SP4: variants seen among roughly 807,000 people sequenced by gnomAD.
SP4 encodes the protein Sp4 transcription factor.
Under a neutral mutation model 72.8 loss-of-function variants are expected in SP4, and 19 were observed. The observed-to-expected ratio is 0.26, with a 90% confidence interval of 0.18 to 0.38. SP4 has a LOEUF of 0.38. SP4 is among the 10% of genes least tolerant of loss of function. The pLI is 1.00. For missense variants in SP4, 1,008 were observed against 926.3 expected (o/e 1.09, Z -1.14); for synonymous variants, 395 against 333.1 (o/e 1.19, Z -2.02).
intron 3 of SP4, among the ~76,000 whole-genome samples, chr7:21,433,138 T>C (rs189260791): frequency 1.4e-4 from 22 of 152,322 alleles, no homozygotes; most frequent in South Asian, 1.0e-3. Context: ...TACAACTTTT[T>C]AGTTTTTATT....
chr7:21,508,081 C>T (rs181774164), intron 5 of SP4, among the ~76,000 whole-genome samples: 2 of 152,242 alleles, frequency 1.3e-5, no homozygotes, highest in African/African-American at 2.4e-5. Flanking sequence ...CCTCTGCTGC[C>T]TCCTGAATAA....
At chr7:21,466,812 T>G (rs140286030) in intron 3 of SP4, among the ~76,000 whole-genome samples, 30 of 152,036 alleles carry the variant, frequency 2.0e-4, no homozygotes, top group African/African-American at 6.3e-4. Context: ...TTACCACCAG[T>G]GTACCATGGA....
chr7:21,465,965 C>T, intron 3 of SP4, among the ~76,000 whole-genome samples: 1 of 152,142 alleles, frequency 6.6e-6, no homozygotes, highest in African/African-American at 2.4e-5. Context: ...GGTATGCTGT[C>T]TCAGGGTTAT....
At chr7:21,445,982 ATGTGTATGTGTGTGTGTGTG>A (rs1163031130) in intron 3 of SP4, among the ~76,000 whole-genome samples, 22 of 100,928 alleles carry the variant, frequency 2.2e-4, no homozygotes, top group Admixed American at 7.9e-4. Flanking sequence ...TGTGTATCTT[ATGTGTATGTGTGTGTGTGTG>A]TGTGTGTGTG....
Position 21,430,486 on chromosome 7 carries a change from T to G in SP4, c.1321T>G (p.Leu441Val). The G allele has an allele frequency of 6.2e-7, 1 of 1,614,196 alleles. No homozygotes were observed. Among genetic ancestry groups the G allele is most frequent in the Non-Finnish European group, 8.5e-7 (1 of 1,180,034 alleles). ...QTIQTIQQQP[L>V]QNVQLQAVNP... ...GATTCAGACCATCCAGCAGCAGCCT[T>G]TACAGAATGTTCAACTTCAAGCAGT... Residue 441 changes from leucine to valine, a missense_variant, in exon 3 of 6, where the codon TTA becomes GTA. Leu to Val is a conservative substitution (Grantham distance 32). Coordinates refer to ENST00000222584, the MANE Select transcript of SP4 (RefSeq NM_003112.5).
intron 3 of SP4, among the ~76,000 whole-genome samples, chr7:21,441,074 G>A (rs1783231126): frequency 6.6e-6 from 1 of 152,236 alleles, no homozygotes. Context: ...TTATACGTAA[G>A]TACTGGGTTT....
chr7:21,428,991 AT>A (rs1358124850), intron 2 of SP4, 199 bp downstream of exon 2: 6 of 593,656 alleles, frequency 1.0e-5, no homozygotes, highest in Non-Finnish European at 1.2e-5. Flanking sequence ...TACATCAGGA[AT>A]TCAGACTATA....
chr7:21,482,166 G>A (rs1784706351), intron 5 of SP4, 43 bp downstream of exon 5: 1 of 1,480,906 alleles, frequency 6.8e-7, no homozygotes, highest in South Asian at 1.2e-5. Context: ...TATTTCTTCA[G>A]TTTTTACATG....
At chr7:21,475,069 T>C (rs1209582869) in intron 3 of SP4, among the ~76,000 whole-genome samples, 2 of 152,096 alleles carry the variant, frequency 1.3e-5, no homozygotes, top group Non-Finnish European at 2.9e-5. Context: ...AGGTACTACA[T>C]GTGCAGCTTT....
chr7:21,477,939 G>T (rs544631971), intron 4 of SP4, among the ~76,000 whole-genome samples: 1 of 152,260 alleles, frequency 6.6e-6, no homozygotes, highest in African/African-American at 2.4e-5. Flanking sequence ...CAATTCAGTG[G>T]TTTTTAATAT....
At position 21,437,168 on chromosome 7, in the gene SP4, G is replaced by A. The variant is rs768409561; in HGVS notation, c.1678+6325G>A. On this transcript the variant is annotated intron_variant, in intron 3 of 5. Transcript: ENST00000222584. ...ATTTTTTAAAACATTCTTAACTTCA[G>A]ACAAATGAGCTTGATAACCGTCCTT... Among the ~76,000 whole-genome samples, 26 of 152,180 alleles carry A rather than the reference G, an allele frequency of 1.7e-4. 1 individual carries two copies. Among genetic ancestry groups the A allele is most frequent in the Admixed American group, 5.9e-4 (9 of 15,282 alleles).
chr7:21,494,526 T>C (rs1785059059), intron 5 of SP4, among the ~76,000 whole-genome samples: 1 of 152,188 alleles, frequency 6.6e-6, no homozygotes, highest in African/African-American at 2.4e-5. Context: ...AGAGTGCCAT[T>C]TGTAATATGA....
chr7:21,428,534 C>A lies in SP4; in HGVS notation c.8-143C>A, dbSNP rs1034729230. The A allele has an allele frequency of 8.4e-6, 8 of 952,042 alleles. No individual in the cohort carries two copies. The Admixed American group carries it at 1.9e-4, about 23-fold the overall frequency. The allele number at this position is 952,042 out of a possible 1,614,324, so 59.0% of individuals were successfully genotyped here. A position where few individuals can be genotyped will look rare whatever the true frequency, so the allele number is the denominator to read the frequency against. On this transcript the variant is annotated intron_variant, in intron 1 of 5. Transcript: ENST00000222584. ...CCTCCTCCCTTCCCTCCTTCTCCCCCACCCCCTGCCGGTGTGCGTGGATCG... is the reference window on the plus strand; with the variant it reads ...CCTCCTCCCTTCCCTCCTTCTCCCCAACCCCCTGCCGGTGTGCGTGGATCG...
intron 5 of SP4, among the ~76,000 whole-genome samples, chr7:21,503,704 A>G (rs1445741681): frequency 6.6e-6 from 1 of 152,296 alleles, no homozygotes; most frequent in Non-Finnish European, 1.5e-5. Flanking sequence ...TCACCAGTAA[A>G]TACTTTAGTC....
intron 5 of SP4, among the ~76,000 whole-genome samples, chr7:21,498,595 G>A (rs541069487): frequency 2.6e-5 from 4 of 152,126 alleles, no homozygotes; most frequent in African/African-American, 9.7e-5. Context: ...AATGATTACA[G>A]TTAACCCTTG....
At chr7:21,466,278 A>T (rs1035204874) in intron 3 of SP4, among the ~76,000 whole-genome samples, 1 of 152,182 alleles carries the variant, frequency 6.6e-6, no homozygotes, top group East Asian at 1.9e-4. Flanking sequence ...TCACTTCTAT[A>T]CTAAGTCCAC....
intron 3 of SP4, among the ~76,000 whole-genome samples, chr7:21,474,755 A>C (rs1343865328): frequency 1.3e-5 from 2 of 152,190 alleles, no homozygotes; most frequent in Admixed American, 1.3e-4. Context: ...CACAGTCATA[A>C]ATTTACAACT....
chr7:21,468,008 T>A (rs954804441), intron 3 of SP4, among the ~76,000 whole-genome samples: 38 of 152,162 alleles, frequency 2.5e-4, no homozygotes, highest in Non-Finnish European at 3.4e-4. Flanking sequence ...AATAGTTTTG[T>A]TTTTCAAATT....
At chr7:21,465,634 C>T (rs1784143512) in intron 3 of SP4, among the ~76,000 whole-genome samples, 1 of 152,144 alleles carries the variant, frequency 6.6e-6, no homozygotes, top group African/African-American at 2.4e-5. Context: ...AACAAGGATT[C>T]CCTCTCTCCT....
Sources: gnomAD v4.1 joint callset for allele counts (sites outside exome capture counted in the v4.1 genomes callset) on GRCh38, gnomAD v4.1.1 for gene constraint, MANE v1.5 for transcripts, NCBI Gene and HGNC (gene_info 2026-07-23, HGNC 2026-07-21) for gene names.